Variants in PGAP3 observed in about 807,000 individuals in gnomAD.
PGAP3 encodes the protein post-GPI attachment to proteins phospholipase 3.
PGAP3 carries 31 observed loss-of-function variants against 40.3 expected under a neutral mutation model. The observed-to-expected ratio is 0.77, with a 90% CI of 0.58 to 1.04. The LOEUF is 1.04. Among genes scored for constraint, PGAP3 ranks in the 50% least tolerant of loss-of-function variants. The pLI, the probability that PGAP3 is intolerant of heterozygous loss-of-function variation, is 0.00. For missense variants in PGAP3, 413 were observed against 423.0 expected, an observed-to-expected ratio of 0.98 and a Z score of 0.21; for synonymous variants, 191 against 184.5, an observed-to-expected ratio of 1.04 and a Z score of -0.29.
At position 39,674,017 on chromosome 17, in the gene PGAP3, T is replaced by C; in HGVS notation, c.533A>G (p.His178Arg). 6.2e-7 allele frequency: 1 copy of C among 1,613,744 alleles called. No homozygotes were observed. The highest frequency in any genetic ancestry group is 1.1e-5 in the South Asian group (1 of 91,066). The change falls in exon 5 of 8, where the codon CAC (histidine) becomes CGC (arginine). Residue 178 changes from histidine to arginine, a missense_variant. Coordinates refer to ENST00000300658, the MANE Select transcript of PGAP3 (RefSeq NM_033419.5). ...DYFCASTVIL[H>R]SIYLCCVRTV... ...CCTGACGCAGCACAGGTAGATTGAG[T>C]GTAGGATGACAGTGGAGGCACAGAA...
intron 1 of PGAP3, 24 bp downstream of exon 1, chr17:39,687,810 G>A (rs752197704): frequency 2.4e-5 from 33 of 1,371,240 alleles, no homozygotes; most frequent in Non-Finnish European, 2.9e-5. Flanking sequence ...AATGGGCGGG[G>A]CTTACCGTGG....
intron 3 of PGAP3, among the ~76,000 whole-genome samples, chr17:39,683,541 T>A (rs533461628): frequency 1.3e-5 from 2 of 152,330 alleles, no homozygotes; most frequent in East Asian, 3.9e-4. Context: ...ATATAGTAGG[T>A]GCTCAACACC....
At chr17:39,680,014 G>C (rs547151281) in intron 3 of PGAP3, among the ~76,000 whole-genome samples, 2 of 152,264 alleles carry the variant, frequency 1.3e-5, no homozygotes, top group South Asian at 4.1e-4. Context: ...CTCTACCGGA[G>C]CACCCCTTGA....
In PGAP3 at chr17:39,687,973, T is replaced by C; in HGVS notation, c.42A>G (p.Ala14=). 6 of 1,467,500 alleles carry C rather than the reference T, an allele frequency of 4.1e-6. No individual in the cohort carries two copies. Among genetic ancestry groups the C allele is most frequent in the Non-Finnish European group, 4.6e-6 (5 of 1,094,778 alleles). 90.9% of individuals were successfully genotyped at this position (1,467,500 alleles called of 1,614,324 possible). Residue 14 remains alanine, a synonymous_variant, in exon 1 of 8, where the codon GCA becomes GCG. Coordinates refer to ENST00000300658, the MANE Select transcript of PGAP3 (RefSeq NM_033419.5). ...LAARLVLLAG[A]AALASGSQGD... ...CCTGGGAGCCGCTCGCCAGCGCCGC[T>C]GCCCCAGCTAGCAGGACCAACCGCG... is the stretch of plus-strand genomic sequence containing the variant.
At chr17:39,676,719 C>T (rs1405683871) in intron 3 of PGAP3, 2 of 152,292 alleles carry the variant, frequency 1.3e-5, no homozygotes, top group Non-Finnish European at 2.9e-5. Context: ...TGTCCTTGGG[C>T]AAGTTATTTA....
rs1203599242 is a variant in PGAP3, at chr17:39,672,536, A to G, written c.*267T>C. 1 of 549,820 alleles carries G rather than the reference A, an allele frequency of 1.8e-6. No individual in the cohort carries two copies. Among genetic ancestry groups the G allele is most frequent in the African/African-American group, 1.9e-5 (1 of 52,722 alleles). 34.1% of individuals were successfully genotyped at this position (549,820 alleles called of 1,614,324 possible). A position where few individuals can be genotyped will look rare whatever the true frequency, so the allele number is the denominator to read the frequency against. Reference sequence around the variant, plus strand: ...CTGTCCTCCCGGTAGAGCTAAGAGCACACTCAGTTCCACCCCAGTTCAGCT... The same window carrying G: ...CTGTCCTCCCGGTAGAGCTAAGAGCGCACTCAGTTCCACCCCAGTTCAGCT... On this transcript the variant is annotated 3_prime_UTR_variant, in exon 8 of 8. Coordinates refer to ENST00000300658, the MANE Select transcript of PGAP3 (RefSeq NM_033419.5).
rs1434358649 is a variant in PGAP3, at chr17:39,672,640, A to T, written c.*163T>A. The stretch of plus-strand genomic sequence containing the variant: ...CCTAGAACAGACTCCAAGGCTGGTG[A>T]GGGCCAACAGGGGGTGGGCTGGCCA... On this transcript the variant is annotated 3_prime_UTR_variant, in exon 8 of 8. Transcript: ENST00000300658. 2.7e-6 allele frequency: 2 copies of T among 728,830 alleles called. No homozygotes were observed. The highest frequency in any genetic ancestry group is 4.6e-6 in the Non-Finnish European group (2 of 432,888). 45.1% of individuals were successfully genotyped at this position (728,830 alleles called of 1,614,324 possible). A position where few individuals can be genotyped will look rare whatever the true frequency, so the allele number is the denominator to read the frequency against.
At chr17:39,674,925 TC>T (rs951978693) in intron 3 of PGAP3, among the ~76,000 whole-genome samples, 1 of 152,120 alleles carries the variant, frequency 6.6e-6, no homozygotes, top group African/African-American at 2.4e-5. Context: ...CTCCACAGGT[TC>T]CGGCCTGGCC....
intron 2 of PGAP3, 118 bp from the exon 3 acceptor site, chr17:39,684,867 T>C (rs2057489443): frequency 4.6e-6 from 6 of 1,293,058 alleles, no homozygotes; most frequent in Non-Finnish European, 6.2e-6. Context: ...GCTCTGGAGT[T>C]TGGCCAAAGC....
Position 39,672,644 on chromosome 17 carries a change from C to A in PGAP3, c.*159G>T. On this transcript the variant is annotated 3_prime_UTR_variant, in exon 8 of 8. Coordinates refer to ENST00000300658, the MANE Select transcript of PGAP3 (RefSeq NM_033419.5). Reference sequence around the variant, plus strand: ...GAACAGACTCCAAGGCTGGTGAGGGCCAACAGGGGGTGGGCTGGCCACATG... The same window carrying A: ...GAACAGACTCCAAGGCTGGTGAGGGACAACAGGGGGTGGGCTGGCCACATG... The A allele has an allele frequency of 1.3e-6, 1 of 764,068 alleles. No individual in the cohort carries two copies. 47.3% of individuals were successfully genotyped at this position (764,068 alleles called of 1,614,324 possible). A position where few individuals can be genotyped will look rare whatever the true frequency, so the allele number is the denominator to read the frequency against.
At position 39,672,492 on chromosome 17, in the gene PGAP3, A is replaced by G. The variant is rs2941503; in HGVS notation, c.*311T>C. On this transcript the variant is annotated 3_prime_UTR_variant, in exon 8 of 8. Transcript: ENST00000300658. ...AGCTGGGGATGTGGGGAGGAGGCTGATGGGGAGGAAACAGGCAGCTGTCCT... is the reference window on the plus strand; with the variant it reads ...AGCTGGGGATGTGGGGAGGAGGCTGGTGGGGAGGAAACAGGCAGCTGTCCT... 0.67 allele frequency: 287,139 copies of G among 431,570 alleles called. 97,390 individuals are homozygous for G. Among genetic ancestry groups the G allele is most frequent in the South Asian group, 0.76 (29,468 of 38,536 alleles). 26.7% of individuals were successfully genotyped at this position (431,570 alleles called of 1,614,324 possible). A position where few individuals can be genotyped will look rare whatever the true frequency, so the allele number is the denominator to read the frequency against.
intron 2 of PGAP3, among the ~76,000 whole-genome samples, chr17:39,685,590 C>G (rs1322109215): frequency 1.3e-5 from 2 of 152,160 alleles, no homozygotes; most frequent in African/African-American, 4.8e-5. Context: ...ATCCAGACCC[C>G]TACTGGAGAA....
Position 39,672,839 on chromosome 17 carries a change from C to G in PGAP3, c.927G>C (p.Leu309=). The change falls in exon 8 of 8, where the codon CTG becomes CTC. Residue 309 remains leucine, a synonymous_variant. Coordinates refer to ENST00000300658, the MANE Select transcript of PGAP3 (RefSeq NM_033419.5). ...TGAACTTGTCCTCTGATTCCTTCAGCAGGTACAGGCTGTCATCTTCCAGAA... is the reference window on the plus strand; with the variant it reads ...TGAACTTGTCCTCTGATTCCTTCAGGAGGTACAGGCTGTCATCTTCCAGAA... ...FSFLEDDSLY[L]LKESEDKFKL... is the part of the protein sequence containing the mutation. 1 of 1,614,176 alleles carries G rather than the reference C, an allele frequency of 6.2e-7. No individual in the cohort carries two copies. Among genetic ancestry groups the G allele is most frequent in the Non-Finnish European group, 8.5e-7 (1 of 1,180,012 alleles).
At chr17:39,675,357 G>A (rs529288083) in intron 3 of PGAP3, among the ~76,000 whole-genome samples, 54 of 152,338 alleles carry the variant, frequency 3.5e-4, no homozygotes, top group African/African-American at 1.2e-3. Context: ...AATTAGCTGC[G>A]TGGAGAGAGC....
chr17:39,680,185 G>A (rs1187700266), intron 3 of PGAP3, among the ~76,000 whole-genome samples: 1 of 152,224 alleles, frequency 6.6e-6, no homozygotes, highest in African/African-American at 2.4e-5. Flanking sequence ...TGGCCTAGAA[G>A]AAGAGCTAAG....
rs2057346830 is a variant in PGAP3 at position 39,674,144 on chromosome 17, G to A, written c.496-90C>T. 33 of 1,337,084 alleles carry A rather than the reference G, an allele frequency of 2.5e-5. No homozygotes were observed. In the South Asian group the frequency reaches 3.8e-4, roughly 16 times the overall value. 82.8% of individuals were successfully genotyped at this position (1,337,084 alleles called of 1,614,324 possible). On this transcript the variant is annotated intron_variant, in intron 4 of 7. Transcript: ENST00000300658. ...GGGGCATGGAGGAGTGGCAGAGAGGGGCCGGGGTCCTGGGCCTGCCTATCA... is the reference window on the plus strand; with the variant it reads ...GGGGCATGGAGGAGTGGCAGAGAGGAGCCGGGGTCCTGGGCCTGCCTATCA...
chr17:39,672,965 G>A (rs2057325710), intron 7 of PGAP3, 86 bp downstream of exon 7: 3 of 1,575,004 alleles, frequency 1.9e-6, no homozygotes, highest in Non-Finnish European at 2.6e-6. Context: ...GGGGGCGGAT[G>A]GGCACACAGA....
intron 1 of PGAP3, 115 bp downstream of exon 1, chr17:39,687,719 A>T (rs986003301): frequency 1.2e-6 from 1 of 812,244 alleles, no homozygotes; most frequent in Non-Finnish European, 1.7e-6. Context: ...CTTCACTCAC[A>T]TTCATAAGAG....
In PGAP3 at chr17:39,687,950, T is replaced by C; in HGVS notation, c.65A>G (p.Gln22Arg). 2 of 1,472,784 alleles carry C rather than the reference T, an allele frequency of 1.4e-6. No individual in the cohort carries two copies. Among genetic ancestry groups the C allele is most frequent in the Non-Finnish European group, 1.8e-6 (2 of 1,097,150 alleles). 91.2% of individuals were successfully genotyped at this position (1,472,784 alleles called of 1,614,324 possible). A position where few individuals can be genotyped will look rare whatever the true frequency, so the allele number is the denominator to read the frequency against. ...AGAAALASGSQGDREPVYRDC... is the reference protein window; with the variant it reads ...AGAAALASGSRGDREPVYRDC... The stretch of plus-strand genomic sequence containing the variant: ...GCGGTACACCGGCTCACGGTCGCCC[T>C]GGGAGCCGCTCGCCAGCGCCGCTGC... The change falls in exon 1 of 8, where the codon CAG becomes CGG. Residue 22 changes from glutamine to arginine, a missense_variant. Physicochemically the swap from Gln to Arg is conservative, Grantham distance 43. Coordinates refer to ENST00000300658, the MANE Select transcript of PGAP3 (RefSeq NM_033419.5).
Sources: gnomAD v4.1 joint callset for allele counts (sites outside exome capture counted in the v4.1 genomes callset) on GRCh38, gnomAD v4.1.1 for gene constraint, MANE v1.5 for transcripts, NCBI Gene and HGNC (gene_info 2026-07-23, HGNC 2026-07-21) for gene names.